Variants in NPAS3 observed in about 807,000 individuals in gnomAD.
The protein encoded by NPAS3 is neuronal PAS domain protein 3.
Under a neutral mutation model 73.1 loss-of-function variants are expected in NPAS3, and 14 were observed. The observed-to-expected ratio is 0.19, with a 90% CI of 0.13 to 0.30. The LOEUF is 0.30. Among genes scored for constraint, NPAS3 ranks in the 10% least tolerant of loss-of-function variants. The pLI is 1.00. For synonymous variants in NPAS3, 620 were observed against 541.5 expected, an observed-to-expected ratio of 1.14 and a Z score of -2.01; for missense variants, 1,096 against 1,250.0, an observed-to-expected ratio of 0.88 and a Z score of 1.86.
chr14:33,344,020 A>G (rs1339533246), intron 3 of NPAS3, among the ~76,000 whole-genome samples: 1 of 152,206 alleles, frequency 6.6e-6, no homozygotes, highest in African/African-American at 2.4e-5. Context: ...AGTTCCCTTT[A>G]CGTGTTGTGA....
At chr14:33,177,069 TTTTTATTATTA>T (rs1359921810) in intron 2 of NPAS3, among the ~76,000 whole-genome samples, 1 of 89,814 alleles carries the variant, frequency 1.1e-5, no homozygotes, top group African/African-American at 4.8e-5. Context: ...GCTGTTTATC[TTTTTATTATTA>T]TTATTATTAT....
chr14:33,793,032 A>G (rs1200001427), intron 9 of NPAS3, among the ~76,000 whole-genome samples: 2 of 152,240 alleles, frequency 1.3e-5, no homozygotes, highest in African/African-American at 4.8e-5. Context: ...TTACTAGCTC[A>G]GGAGTACCCA....
intron 5 of NPAS3, among the ~76,000 whole-genome samples, chr14:33,611,958 A>G (rs929176090): frequency 8.5e-5 from 13 of 152,208 alleles, no homozygotes; most frequent in African/African-American, 3.1e-4. Context: ...GAATACTTGA[A>G]TAAATTCTAT....
chr14:33,504,724 G>A (rs1387163131), intron 4 of NPAS3, among the ~76,000 whole-genome samples: 1 of 152,008 alleles, frequency 6.6e-6, no homozygotes, highest in Non-Finnish European at 1.5e-5. Flanking sequence ...GGCTGTCAGG[G>A]AAACGGTGCA....
intron 4 of NPAS3, among the ~76,000 whole-genome samples, chr14:33,460,624 G>T (rs2050218705): frequency 1.3e-5 from 2 of 151,812 alleles, no homozygotes; most frequent in Non-Finnish European, 2.9e-5. Flanking sequence ...GTATATTTTC[G>T]GCGTACCCTA....
chr14:33,802,573 ATG>A (rs1479526985), downstream of NPAS3: 1 of 152,164 alleles, frequency 6.6e-6, no homozygotes, highest in Non-Finnish European at 1.5e-5. Flanking sequence ...TACAATGTGT[ATG>A]TGTCCTTGGC....
intron 7 of NPAS3, among the ~76,000 whole-genome samples, chr14:33,742,300 T>C (rs2061674490): frequency 6.6e-6 from 1 of 152,172 alleles, no homozygotes; most frequent in Non-Finnish European, 1.5e-5. Flanking sequence ...CTAAACTCTT[T>C]ACAGAAATCG....
intron 4 of NPAS3, among the ~76,000 whole-genome samples, chr14:33,377,440 T>TC (rs2046357324): frequency 6.6e-6 from 1 of 152,198 alleles, no homozygotes; most frequent in Admixed American, 6.5e-5. Context: ...TGCTATAAAT[T>TC]ATGCTGGTGA....
chr14:33,513,287 T>C (rs533440918), intron 4 of NPAS3, among the ~76,000 whole-genome samples: 1 of 152,164 alleles, frequency 6.6e-6, no homozygotes, highest in African/African-American at 2.4e-5. Flanking sequence ...ATATATATTC[T>C]AGTGAACACT....
chr14:33,483,426 T>A (rs1352292621), intron 4 of NPAS3, among the ~76,000 whole-genome samples: 3 of 152,190 alleles, frequency 2.0e-5, no homozygotes, highest in African/African-American at 4.8e-5. Context: ...ATACCTTTAT[T>A]ATCTATCCGG....
At chr14:33,774,521 G>C (rs1349567300) in exon 8 of NPAS3, 1 of 1,612,720 alleles carries the variant, frequency 6.2e-7, no homozygotes, top group Non-Finnish European at 8.5e-7. Context: ...ATCATTTACT[G>C]TGAAAATAGG....
At chr14:33,670,251 G>A (rs1171072633) in intron 5 of NPAS3, among the ~76,000 whole-genome samples, 1 of 152,196 alleles carries the variant, frequency 6.6e-6, no homozygotes, top group Admixed American at 6.5e-5. Context: ...TCTGTAAAAA[G>A]AGAGCGGATT....
At chr14:33,546,757 G>T (rs1417044199) in intron 4 of NPAS3, among the ~76,000 whole-genome samples, 2 of 152,172 alleles carry the variant, frequency 1.3e-5, no homozygotes, top group African/African-American at 2.4e-5. Flanking sequence ...TACGTTACTT[G>T]CACCTTGCTG....
intron 5 of NPAS3, among the ~76,000 whole-genome samples, chr14:33,671,290 G>A (rs2059603494): frequency 6.6e-6 from 1 of 151,854 alleles, no homozygotes; most frequent in Admixed American, 6.5e-5. Flanking sequence ...TGTATGAAAA[G>A]ACAAATTAGC....
chr14:33,522,437 T>C (rs1415788611), intron 4 of NPAS3, among the ~76,000 whole-genome samples: 1 of 151,560 alleles, frequency 6.6e-6, no homozygotes, highest in Admixed American at 6.6e-5. Flanking sequence ...AATGTTCCTC[T>C]CCAAATAACT....
Position 33,331,975 on chromosome 14 carries a change from C to G in NPAS3, c.386-35211C>G, listed in dbSNP as rs2044006180. Among the ~76,000 whole-genome samples the G allele has an allele frequency of 2.6e-5, 4 of 152,174 alleles. No individual in the cohort carries two copies. The South Asian group carries it at 8.3e-4, about 31-fold the overall frequency. Reference sequence around the variant, plus strand: ...TCATCGTAATGATACCTTTAGAAACCTGGGGAAAACACCTACTTGTCTAAT... The same window carrying G: ...TCATCGTAATGATACCTTTAGAAACGTGGGGAAAACACCTACTTGTCTAAT... On this transcript the variant is annotated intron_variant, in intron 3 of 11. Transcript: ENST00000356141.
chr14:33,677,294 T>C (rs1376532616), intron 6 of NPAS3, among the ~76,000 whole-genome samples: 1 of 152,224 alleles, frequency 6.6e-6, no homozygotes. Context: ...CATATTCTTG[T>C]GTGGTGGAGT....
intron 5 of NPAS3, among the ~76,000 whole-genome samples, chr14:33,593,240 ACT>A (rs1278560443): frequency 6.6e-6 from 1 of 152,100 alleles, no homozygotes; most frequent in East Asian, 1.9e-4. Context: ...GTAGGTATTA[ACT>A]CTCTGGCGGA....
At chr14:33,377,658 A>G (rs773891714) in intron 4 of NPAS3, among the ~76,000 whole-genome samples, 3 of 152,218 alleles carry the variant, frequency 2.0e-5, no homozygotes, top group African/African-American at 4.8e-5. Flanking sequence ...AACATATGTC[A>G]TCATTCACTG....
Sources: allele counts gnomAD v4.1 joint callset (sites outside exome capture counted in the v4.1 genomes callset), GRCh38; gene constraint gnomAD v4.1.1; transcripts MANE v1.5; gene names NCBI Gene and HGNC (gene_info 2026-07-23, HGNC 2026-07-21).